ODAD2: variants seen among roughly 807,000 people sequenced by gnomAD.
The protein encoded by ODAD2 is outer dynein arm-docking complex subunit 2.
Under a neutral mutation model 106.8 loss-of-function variants are expected in ODAD2, and 89 were observed. The observed-to-expected ratio is 0.83, with a 90% CI of 0.70 to 0.99. The LOEUF (loss-of-function observed/expected upper bound fraction) is 0.99. Ranked by LOEUF, ODAD2 falls within the 50% of genes least tolerant of loss-of-function variation. The pLI is 0.00. For missense variants in ODAD2, 1,168 were observed against 1,238.5 expected, an observed-to-expected ratio of 0.94 and a Z score of 0.85; for synonymous variants, 404 against 436.2, an observed-to-expected ratio of 0.93 and a Z score of 0.92.
At chr10:27,818,781 T>C (rs1219329678) in intron 19 of ODAD2, among the ~76,000 whole-genome samples, 1 of 152,192 alleles carries the variant, frequency 6.6e-6, no homozygotes, top group Non-Finnish European at 1.5e-5. Flanking sequence ...TTGTTGCTTT[T>C]TAAATCTGGA....
chr10:27,934,592 C>A (rs1357244548), intron 16 of ODAD2, among the ~76,000 whole-genome samples: 1 of 151,968 alleles, frequency 6.6e-6, no homozygotes, highest in Non-Finnish European at 1.5e-5. Context: ...GTCTCTTCCC[C>A]TCATCAGTTC....
intron 19 of ODAD2, among the ~76,000 whole-genome samples, chr10:27,823,591 T>A (rs1836783389): frequency 6.6e-6 from 1 of 152,220 alleles, no homozygotes. Context: ...AAAGTGCTCA[T>A]GCTATGTGCC....
intron 17 of ODAD2, among the ~76,000 whole-genome samples, chr10:27,907,084 G>GA (rs772267642): frequency 2.0e-5 from 3 of 152,184 alleles, no homozygotes; most frequent in African/African-American, 4.8e-5. Context: ...TAAACCTATA[G>GA]AAAAAATGTT....
intron 9 of ODAD2, among the ~76,000 whole-genome samples, chr10:27,965,051 A>T (rs1848401729): frequency 6.6e-6 from 1 of 152,160 alleles, no homozygotes; most frequent in Non-Finnish European, 1.5e-5. Flanking sequence ...GAAACCAGGG[A>T]GTGTGTAGGC....
chr10:27,916,656 G>A (rs1365511497), intron 16 of ODAD2, among the ~76,000 whole-genome samples: 1 of 152,038 alleles, frequency 6.6e-6, no homozygotes. Flanking sequence ...TTAATGAATA[G>A]TAATTATATT....
At chr10:27,958,407 A>C (rs10826376) in intron 10 of ODAD2, among the ~76,000 whole-genome samples, 5,975 of 152,150 alleles carry the variant, frequency 0.039, 147 homozygotes, top group Non-Finnish European at 0.058. Flanking sequence ...GATATTATTG[A>C]GGCTGTTCAC....
At position 27,860,675 on chromosome 10, in the gene ODAD2, A is replaced by T. The variant is rs1839974799; in HGVS notation, c.2971T>A (p.Ser991Thr). The change falls in exon 19 of 20, where the codon TCA (serine) becomes ACA (threonine). Residue 991 changes from serine (S) to threonine (T), a missense_variant. Coordinates refer to ENST00000305242, the MANE Select transcript of ODAD2 (RefSeq NM_018076.5). ...GTGATGCAGTTATCGGCGTCTTCTGAGAGTTGGTACAAGGCCTGAGCTGTC... is the reference window on the plus strand; with the variant it reads ...GTGATGCAGTTATCGGCGTCTTCTGTGAGTTGGTACAAGGCCTGAGCTGTC... Reference protein sequence around the residue: ...RATAQALYQLSEDADNCITMH... With the variant: ...RATAQALYQLTEDADNCITMH... 2.5e-6 allele frequency: 4 copies of T among 1,613,880 alleles called. No homozygotes were observed. Among genetic ancestry groups the T allele is most frequent in the Non-Finnish European group, 3.4e-6 (4 of 1,180,018 alleles).
chr10:27,893,772 CTA>C (rs1842704263), intron 17 of ODAD2, among the ~76,000 whole-genome samples: 1 of 152,206 alleles, frequency 6.6e-6, no homozygotes, highest in African/African-American at 2.4e-5. Flanking sequence ...ATCTCTTCTT[CTA>C]GTTCCACTGT....
intron 17 of ODAD2, among the ~76,000 whole-genome samples, chr10:27,872,602 C>T (rs1241689348): frequency 6.6e-6 from 1 of 152,044 alleles, no homozygotes; most frequent in Non-Finnish European, 1.5e-5. Context: ...TTCCTGCATC[C>T]ATTGAGATAA....
chr10:27,820,242 T>C (rs938161345), intron 19 of ODAD2, among the ~76,000 whole-genome samples: 5 of 152,070 alleles, frequency 3.3e-5, no homozygotes, highest in African/African-American at 9.7e-5. Context: ...TACGGCTCTC[T>C]TGGAAAGGAA....
chr10:27,824,473 A>G (rs534112058), intron 19 of ODAD2, among the ~76,000 whole-genome samples: 5 of 152,294 alleles, frequency 3.3e-5, no homozygotes, highest in African/African-American at 9.6e-5. Context: ...CTGCCATGGA[A>G]TGACCCTTGA....
intron 19 of ODAD2, among the ~76,000 whole-genome samples, chr10:27,832,261 G>T (rs537860728): frequency 6.6e-6 from 1 of 152,270 alleles, no homozygotes; most frequent in East Asian, 1.9e-4. Flanking sequence ...TCACTCTTTT[G>T]CCTGGACACA....
At chr10:27,853,935 T>C (rs1280656735) in intron 19 of ODAD2, among the ~76,000 whole-genome samples, 4 of 152,060 alleles carry the variant, frequency 2.6e-5, no homozygotes, top group Non-Finnish European at 5.9e-5. Context: ...CTTCAAAAGA[T>C]ACAGTTAAGA....
intron 16 of ODAD2, among the ~76,000 whole-genome samples, chr10:27,928,942 T>C (rs1040116233): frequency 2.6e-5 from 4 of 152,168 alleles, no homozygotes; most frequent in African/African-American, 9.7e-5. Flanking sequence ...CTGAGTCATT[T>C]ACAATTTGCC....
chr10:27,957,880 G>T (rs1469099376), intron 10 of ODAD2, among the ~76,000 whole-genome samples: 1 of 152,028 alleles, frequency 6.6e-6, no homozygotes, highest in African/African-American at 2.4e-5. Context: ...ACTCTACTTG[G>T]AAAATGGTAA....
chr10:27,926,003 C>CT (rs1845230605), intron 16 of ODAD2, among the ~76,000 whole-genome samples: 1 of 96,130 alleles, frequency 1.0e-5, no homozygotes. Flanking sequence ...GAGACTCCAG[C>CT]TAAAAAAAAA....
At position 27,981,536 on chromosome 10, in the gene ODAD2, G is replaced by T. The variant is rs754215845; in HGVS notation, c.866C>A (p.Ser289Ter). Residue 289 changes from serine (S) to a stop codon, truncating the protein, a stop_gained, in exon 7 of 20, where the codon TCA (serine) becomes TAA (stop). Coordinates refer to ENST00000305242, the MANE Select transcript of ODAD2 (RefSeq NM_018076.5). LOFTEE classifies it high-confidence loss of function. Reference protein sequence around the residue: ...EGDVNYERKGSIYKNLVTFLR... With the variant: ...EGDVNYERKG ...AAATGTGACAAGGTTTTTATAAATT[G>T]AACCTTTTCTCTCATAATTAACGTC... 1 of 1,537,472 alleles carries T rather than the reference G, an allele frequency of 6.5e-7. No homozygotes were observed. The highest frequency in any genetic ancestry group is 8.7e-7 in the Non-Finnish European group (1 of 1,155,554).
In ODAD2 at chr10:27,957,889, A is replaced by C. The variant is rs374790928; in HGVS notation, c.1386+3679T>G. 1.8e-3 allele frequency among the ~76,000 whole-genome samples: 267 copies of C among 152,302 alleles called. 1 individual carries two copies. Among genetic ancestry groups the C allele is most frequent in the Non-Finnish European group, 2.5e-3 (172 of 68,028 alleles). Reference sequence around the variant, plus strand: ...GACATCACTCTACTTGGAAAATGGTAAATAGAAAGTCAGGTCAACATGAAT... The same window carrying C: ...GACATCACTCTACTTGGAAAATGGTCAATAGAAAGTCAGGTCAACATGAAT... On this transcript the variant is annotated intron_variant, in intron 10 of 19. Transcript: ENST00000305242.
chr10:27,834,854 A>G (rs1481581179), intron 19 of ODAD2, among the ~76,000 whole-genome samples: 2 of 152,176 alleles, frequency 1.3e-5, no homozygotes, highest in African/African-American at 2.4e-5. Flanking sequence ...CCTAAGTCAT[A>G]GAGTCTCCAA....
Sources: gnomAD v4.1 joint callset for allele counts (sites outside exome capture counted in the v4.1 genomes callset) on GRCh38, gnomAD v4.1.1 for gene constraint, MANE v1.5 for transcripts, NCBI Gene and HGNC (gene_info 2026-07-23, HGNC 2026-07-21) for gene names.